Variants in STK3 observed in about 807,000 individuals in gnomAD.
STK3 encodes serine/threonine-protein kinase 3.
In STK3, 41 loss-of-function variants were observed where a neutral mutation model predicts 58.0. The observed-to-expected ratio is 0.71, with a 90% CI of 0.55 to 0.92. STK3 has a LOEUF of 0.92. Ranked by LOEUF, STK3 falls within the 40% of genes least tolerant of loss-of-function variation. STK3 has a pLI of 0.00. For synonymous variants in STK3, 170 were observed against 191.0 expected (o/e 0.89, Z 0.91); for missense variants, 479 against 602.7 (o/e 0.79, Z 2.15).
At chr8:98,715,717 G>A (rs1340366239) in intron 4 of STK3, among the ~76,000 whole-genome samples, 35 of 152,198 alleles carry the variant, frequency 2.3e-4, no homozygotes, top group South Asian at 4.1e-4. Context: ...TGTGGAAGTC[G>A]GTGTGGCGAT....
chr8:98,870,967 T>C (rs563336252), intron 3 of STK3, among the ~76,000 whole-genome samples: 22 of 152,350 alleles, frequency 1.4e-4, no homozygotes, highest in Middle Eastern at 3.4e-3. Context: ...AGGGTTTTTA[T>C]GGTTTTAGGT....
chr8:98,825,459 C>A, intron 1 of STK3, 56 bp downstream of exon 1: 3 of 1,427,184 alleles, frequency 2.1e-6, no homozygotes, highest in Non-Finnish European at 1.9e-6. Context: ...TAGCCACCCC[C>A]GCCCCGCGGC....
At chr8:98,406,427 T>G (rs1174151354) in intron 3 of STK3, among the ~76,000 whole-genome samples, 3 of 152,112 alleles carry the variant, frequency 2.0e-5, no homozygotes, top group Non-Finnish European at 4.4e-5. Context: ...CCCAATCATT[T>G]TTCAACCCTT....
chr8:98,425,230 A>G (rs1380314382), intron 3 of STK3, among the ~76,000 whole-genome samples: 4 of 152,194 alleles, frequency 2.6e-5, no homozygotes, highest in Admixed American at 2.0e-4. Context: ...GACCCAGCAG[A>G]CCTAGATAGA....
At chr8:98,371,098 A>G (rs1461252479), downstream of STK3, among the ~76,000 whole-genome samples, 1 of 152,138 alleles carries the variant, frequency 6.6e-6, no homozygotes, top group Non-Finnish European at 1.5e-5. Context: ...AAAGAAACAA[A>G]ACTTACTACA....
chr8:98,537,841 T>A (rs930458338), intron 9 of STK3, among the ~76,000 whole-genome samples: 1 of 152,126 alleles, frequency 6.6e-6, no homozygotes, highest in Non-Finnish European at 1.5e-5. Context: ...AAGAAAAAGG[T>A]TGCTTTTCAT....
chr8:98,798,946 A>T (rs980766184), intron 1 of STK3, among the ~76,000 whole-genome samples: 3 of 152,236 alleles, frequency 2.0e-5, no homozygotes, highest in African/African-American at 4.8e-5. Flanking sequence ...ACCAGAGGAT[A>T]TAGCAACAAG....
Position 98,699,399 on chromosome 8 carries a change from T to C in STK3, c.684+7068A>G, listed in dbSNP as rs893780990. Among the ~76,000 whole-genome samples, 13 of 152,376 alleles carry C rather than the reference T, an allele frequency of 8.5e-5. 1 individual carries two copies. The highest frequency in any genetic ancestry group is 2.6e-4 in the African/African-American group (11 of 41,590). The stretch of plus-strand genomic sequence containing the variant: ...TCTCCGTCCAGCTTTGTTCCATTGC[T>C]GGTGAGGAGCTGCGTTCCTTTGGAG... On this transcript the variant is annotated intron_variant, in intron 6 of 10. Coordinates refer to ENST00000419617, the MANE Select transcript of STK3 (RefSeq NM_006281.4).
intron 3 of STK3, among the ~76,000 whole-genome samples, chr8:98,423,765 G>T (rs771346622): frequency 6.6e-6 from 1 of 152,224 alleles, no homozygotes; most frequent in Non-Finnish European, 1.5e-5. Context: ...TGCCAGTGCA[G>T]CCCCCTCGCC....
At chr8:98,680,560 C>T (rs568301124) in intron 6 of STK3, among the ~76,000 whole-genome samples, 50 of 152,024 alleles carry the variant, frequency 3.3e-4, no homozygotes, top group Non-Finnish European at 6.3e-4. Flanking sequence ...GCTAAGAAGT[C>T]AGAAGCAATA....
chr8:98,549,658 T>C (rs1811002508), intron 8 of STK3, among the ~76,000 whole-genome samples: 1 of 152,104 alleles, frequency 6.6e-6, no homozygotes, highest in South Asian at 2.1e-4. Flanking sequence ...ATCAAGTCAG[T>C]AATAAAAGTA....
chr8:98,466,719 G>A lies in STK3; in HGVS notation c.1318-10719C>T, dbSNP rs1820493735. ...GTTTGTGCACAGAAAGCGTGTGTAT[G>A]TATTTCCTGATGTTGTGGTTAGTAT... On this transcript the variant is annotated intron_variant, in intron 10 of 10. Transcript: ENST00000419617. Among the ~76,000 whole-genome samples the A allele has an allele frequency of 2.0e-5, 3 of 152,182 alleles. No individual in the cohort carries two copies. In the South Asian group the frequency reaches 6.2e-4, roughly 31 times the overall value.
At chr8:98,850,247 C>T (rs1362928132) in intron 3 of STK3, among the ~76,000 whole-genome samples, 1 of 152,114 alleles carries the variant, frequency 6.6e-6, no homozygotes, top group Non-Finnish European at 1.5e-5. Context: ...AATCATAGCA[C>T]ACTACAGCTT....
chr8:98,358,334 A>G, the STK3 span, among the ~76,000 whole-genome samples: 4 of 152,148 alleles, frequency 2.6e-5, no homozygotes, highest in African/African-American at 9.7e-5. Context: ...CCCGTTACCC[A>G]ATAAAAACAT....
intron 1 of STK3, among the ~76,000 whole-genome samples, chr8:98,893,056 C>A (rs531101649): frequency 1.3e-5 from 2 of 152,144 alleles, no homozygotes; most frequent in African/African-American, 4.8e-5. Context: ...AGAACAGGTT[C>A]TATTGGGATT....
intron 10 of STK3, among the ~76,000 whole-genome samples, chr8:98,504,098 G>A (rs1823849497): frequency 6.6e-6 from 1 of 152,186 alleles, no homozygotes; most frequent in South Asian, 2.1e-4. Context: ...ACATATTTAG[G>A]ATAGTTAGCT....
intron 10 of STK3, among the ~76,000 whole-genome samples, chr8:98,461,962 A>G (rs1820016885): frequency 5.1e-4 from 1 of 1,962 alleles, no homozygotes; most frequent in African/African-American, 2.5e-3. Flanking sequence ...TAATTAAAAC[A>G]CTTTTTTTTT....
chr8:98,636,454 A>C lies in STK3; in HGVS notation c.685-40285T>G, dbSNP rs145244011. Among the ~76,000 whole-genome samples the C allele has an allele frequency of 5.5e-3, 842 of 152,322 alleles. 9 individuals carry two copies. The highest frequency in any genetic ancestry group is 0.019 in the African/African-American group (805 of 41,576). ...CCAGGCATTGTGTTAGGCACGAAAG[A>C]CTATCATGTTAAAATACAAGGGAAG... On this transcript the variant is annotated intron_variant, in intron 6 of 10. Transcript: ENST00000419617.
At chr8:98,480,657 T>A (rs983409602) in intron 10 of STK3, among the ~76,000 whole-genome samples, 1 of 152,186 alleles carries the variant, frequency 6.6e-6, no homozygotes. Context: ...TATCTCTCTA[T>A]AACAATCCTG....
Sources: gnomAD v4.1 joint callset for allele counts (sites outside exome capture counted in the v4.1 genomes callset) on GRCh38, gnomAD v4.1.1 for gene constraint, MANE v1.5 for transcripts, NCBI Gene and HGNC (gene_info 2026-07-23, HGNC 2026-07-21) for gene names.